EPB41L4A: variants seen among roughly 807,000 people sequenced by gnomAD.
EPB41L4A encodes the protein band 4.1-like protein 4A.
In EPB41L4A, 100 loss-of-function variants were observed where a neutral mutation model predicts 108.6. The observed-to-expected ratio is 0.92, with a 90% confidence interval of 0.78 to 1.09. EPB41L4A has a LOEUF of 1.09. EPB41L4A is among the 50% of genes least tolerant of loss of function. The probability of loss-of-function intolerance (pLI) is 0.00; values close to 1 mark genes in which losing one functional copy is unlikely to be tolerated. For synonymous variants in EPB41L4A, 319 were observed against 289.0 expected, an observed-to-expected ratio of 1.10 and a Z score of -1.05; for missense variants, 1,030 against 842.7, an observed-to-expected ratio of 1.22 and a Z score of -2.75.
chr5:112,342,396 T>G (rs1439042621), intron 1 of EPB41L4A, among the ~76,000 whole-genome samples: 1 of 152,222 alleles, frequency 6.6e-6, no homozygotes, highest in Non-Finnish European at 1.5e-5. Flanking sequence ...TCATAGAAAT[T>G]GTGCTCAGCA....
chr5:112,277,317 C>T (rs1229355115), intron 3 of EPB41L4A, among the ~76,000 whole-genome samples: 3 of 152,150 alleles, frequency 2.0e-5, no homozygotes, highest in Non-Finnish European at 4.4e-5. Flanking sequence ...CAAGCCCACG[C>T]ATTTCAAATG....
chr5:112,364,306 G>A (rs547850104), intron 1 of EPB41L4A, among the ~76,000 whole-genome samples: 1 of 152,262 alleles, frequency 6.6e-6, no homozygotes, highest in South Asian at 2.1e-4. Context: ...GATTATAGAC[G>A]TGAACCACCA....
At chr5:112,235,642 A>C (rs1254363580) in intron 11 of EPB41L4A, among the ~76,000 whole-genome samples, 1 of 152,172 alleles carries the variant, frequency 6.6e-6, no homozygotes, top group African/African-American at 2.4e-5. Context: ...TCCCCAAAAA[A>C]CAGATTTAAC....
intron 2 of EPB41L4A, among the ~76,000 whole-genome samples, chr5:112,302,332 C>T (rs958167656): frequency 2.0e-5 from 3 of 151,948 alleles, no homozygotes; most frequent in Non-Finnish European, 1.5e-5. Flanking sequence ...ATAGTGTGAC[C>T]TCATCTCTAA....
intron 1 of EPB41L4A, among the ~76,000 whole-genome samples, chr5:112,339,570 G>C (rs892861990): frequency 9.1e-4 from 130 of 142,252 alleles, no homozygotes; most frequent in Middle Eastern, 3.8e-3. Context: ...GTCTCATTCT[G>C]TTGCCCAGGC....
intron 1 of EPB41L4A, among the ~76,000 whole-genome samples, chr5:112,401,561 C>G (rs990994270): frequency 6.6e-6 from 1 of 152,156 alleles, no homozygotes; most frequent in Non-Finnish European, 1.5e-5. Flanking sequence ...GCTTTATTCT[C>G]CACCCAAATG....
chr5:112,359,606 T>C lies in EPB41L4A; in HGVS notation c.100-52116A>G, dbSNP rs185504737. Among the ~76,000 whole-genome samples, 239 of 151,942 alleles carry C rather than the reference T, an allele frequency of 1.6e-3. 1 individual carries two copies. Among genetic ancestry groups the C allele is most frequent in the East Asian group, 8.1e-3 (42 of 5,174 alleles). On this transcript the variant is annotated intron_variant, in intron 1 of 22. Transcript: ENST00000261486. ...CCCAGGCTAGAGTGCAGTGGCGCGA[T>C]CTCAGCTCACTGCCAGCTCCGCCTC... is the stretch of plus-strand genomic sequence containing the variant.
At position 112,314,036 on chromosome 5, in the gene EPB41L4A, A is replaced by C. The variant is rs1755242193; in HGVS notation, c.100-6546T>G. Among the ~76,000 whole-genome samples the C allele has an allele frequency of 2.0e-5, 3 of 151,552 alleles. 1 individual carries two copies. The highest frequency in any genetic ancestry group is 2.0e-4 in the Admixed American group (3 of 15,236). On this transcript the variant is annotated intron_variant, in intron 1 of 22. Coordinates refer to ENST00000261486, the MANE Select transcript of EPB41L4A (RefSeq NM_022140.5). Reference sequence around the variant, plus strand: ...CCACCACCATGCCCGGCTAATTTGTATTTTTAGTAGACGGGGTTTCACCGT... The same window carrying C: ...CCACCACCATGCCCGGCTAATTTGTCTTTTTAGTAGACGGGGTTTCACCGT...
rs889333994 is a variant in EPB41L4A at position 112,187,938 on chromosome 5, A to T, written c.1503-3803T>A. ...CTCAGAGACCTTGGACAAACTGCTT[A>T]TCTTTTTTGGTCAAGTCTCAGGTTG... On this transcript the variant is annotated intron_variant, in intron 17 of 22. Coordinates refer to ENST00000261486, the MANE Select transcript of EPB41L4A (RefSeq NM_022140.5). Among the ~76,000 whole-genome samples the T allele has an allele frequency of 3.9e-5, 6 of 152,212 alleles. No homozygotes were observed. In the East Asian group the frequency reaches 1.2e-3, roughly 29 times the overall value.
chr5:112,332,142 T>G (rs191991522), intron 1 of EPB41L4A, among the ~76,000 whole-genome samples: 2 of 152,350 alleles, frequency 1.3e-5, no homozygotes, highest in Admixed American at 1.3e-4. Flanking sequence ...GTTCCAACAC[T>G]GCTGCAGAGT....
In EPB41L4A at chr5:112,239,742, TCAATTTTTAAAAGAAAATCAGA is replaced by T. The variant is rs761571438; in HGVS notation, c.888-27_888-6del. The T allele has an allele frequency of 4.7e-5, 76 of 1,601,024 alleles. No individual in the cohort carries two copies. The highest frequency in any genetic ancestry group is 6.3e-5 in the Non-Finnish European group (74 of 1,171,830). ...TTGGATTCATTTTCTGGCATTCTAA[TCAATTTTTAAAAGAAAATCAGA>T]CAAAGACTCAATGTTATAGGCATTC... On this transcript the variant is annotated splice_polypyrimidine_tract_variant and splice_region_variant and intron_variant, in intron 10 of 22. Transcript: ENST00000261486.
chr5:112,197,204 A>G (rs150714097), intron 15 of EPB41L4A, among the ~76,000 whole-genome samples: 307 of 152,266 alleles, frequency 2.0e-3, no homozygotes, highest in African/African-American at 7.1e-3. Flanking sequence ...ACATAGACCT[A>G]CTTTGAGTCC....
At chr5:112,317,049 T>A (rs922279058) in intron 1 of EPB41L4A, among the ~76,000 whole-genome samples, 1 of 152,168 alleles carries the variant, frequency 6.6e-6, no homozygotes, top group Non-Finnish European at 1.5e-5. Flanking sequence ...AGTCACTGAG[T>A]CAGTGCACAT....
intron 4 of EPB41L4A, among the ~76,000 whole-genome samples, chr5:112,273,159 T>A (rs1445845141): frequency 6.6e-6 from 1 of 152,256 alleles, no homozygotes; most frequent in African/African-American, 2.4e-5. Flanking sequence ...ATAAAATGAA[T>A]AATGTGCATA....
At chr5:112,348,119 C>T (rs1200543871) in intron 1 of EPB41L4A, among the ~76,000 whole-genome samples, 1 of 152,228 alleles carries the variant, frequency 6.6e-6, no homozygotes, top group Non-Finnish European at 1.5e-5. Flanking sequence ...CTACCTATTA[C>T]ACTTTTCTCT....
chr5:112,380,119 C>T (rs1305919070), intron 1 of EPB41L4A, among the ~76,000 whole-genome samples: 1 of 152,082 alleles, frequency 6.6e-6, no homozygotes, highest in Non-Finnish European at 1.5e-5. Context: ...AGCCCTACTC[C>T]CAGAGAACAG....
At chr5:112,349,258 C>CT (rs957975699) in intron 1 of EPB41L4A, among the ~76,000 whole-genome samples, 8 of 148,868 alleles carry the variant, frequency 5.4e-5, no homozygotes, top group African/African-American at 4.9e-5. Flanking sequence ...AGAAAGTATA[C>CT]TTTTTTTTTT....
chr5:112,225,797 C>G (rs1207602570), intron 12 of EPB41L4A, among the ~76,000 whole-genome samples: 1 of 152,212 alleles, frequency 6.6e-6, no homozygotes, highest in African/African-American at 2.4e-5. Flanking sequence ...TCTGTACATA[C>G]AAATGTAACA....
intron 2 of EPB41L4A, among the ~76,000 whole-genome samples, chr5:112,288,526 G>C (rs1053196107): frequency 6.6e-6 from 1 of 152,200 alleles, no homozygotes. Flanking sequence ...AATCGTCATA[G>C]TGAACAACTC....
Sources: gnomAD v4.1 joint callset for allele counts (sites outside exome capture counted in the v4.1 genomes callset) on GRCh38, gnomAD v4.1.1 for gene constraint, MANE v1.5 for transcripts, NCBI Gene and HGNC (gene_info 2026-07-23, HGNC 2026-07-21) for gene names.